Variants in DCHS2 observed in about 807,000 individuals in gnomAD.
DCHS2 encodes protocadherin-23.
In DCHS2, 142 loss-of-function variants were observed where a neutral mutation model predicts 182.4. That is an observed-to-expected ratio of 0.78 (90% CI 0.68 to 0.89). The LOEUF is 0.89. DCHS2 is among the 40% of genes least tolerant of loss of function. DCHS2 has a pLI of 0.00. For missense variants in DCHS2, 4,319 were observed against 4,198.6 expected (o/e 1.03, Z -0.79); for synonymous variants, 1,740 against 1,663.3 (o/e 1.05, Z -1.12).
rs745905752 is a variant in DCHS2 at position 154,236,100 on chromosome 4, GT to G, written c.8551del (p.Thr2851GlnfsTer14). ...DYENGNKYCL[T>X]VQAKDKGDAT... ...ATCACCTTTGTCTTTGGCTTGGACT[GT>G]GAGGCAGTATTTATTGCCATTTTCA... On this transcript the variant is annotated frameshift_variant, in exon 20 of 20. Coordinates refer to ENST00000357232, the MANE Select transcript of DCHS2 (RefSeq NM_001358235.2). LOFTEE classifies it low-confidence loss of function (END_TRUNC). 6.2e-7 allele frequency: 1 copy of G among 1,613,718 alleles called. No homozygotes were observed. The highest frequency in any genetic ancestry group is 1.3e-5 in the African/African-American group (1 of 75,028).
At chr4:154,450,688 C>T (rs1380118433) in intron 1 of DCHS2, among the ~76,000 whole-genome samples, 1 of 152,076 alleles carries the variant, frequency 6.6e-6, no homozygotes, top group Non-Finnish European at 1.5e-5. Flanking sequence ...CAAAAATTAG[C>T]CAGGCATAGT....
At chr4:154,422,610 C>T (rs988729536) in intron 1 of DCHS2, among the ~76,000 whole-genome samples, 1 of 152,098 alleles carries the variant, frequency 6.6e-6, no homozygotes, top group African/African-American at 2.4e-5. Flanking sequence ...ATATATATAC[C>T]CATTCATGAT....
chr4:154,320,961 T>C lies in DCHS2; in HGVS notation c.4438A>G (p.Ile1480Val). 3 of 1,614,122 alleles carry C rather than the reference T, an allele frequency of 1.9e-6. No individual in the cohort carries two copies. Among genetic ancestry groups the C allele is most frequent in the Non-Finnish European group, 2.5e-6 (3 of 1,180,000 alleles). The change falls in exon 9 of 20, where the codon ATT becomes GTT. Residue 1480 changes from isoleucine to valine, a missense_variant. Coordinates refer to ENST00000357232, the MANE Select transcript of DCHS2 (RefSeq NM_001358235.2). ...AGGTTTTTGCTATGGTCTGTAGTAA[T>C]CACTCTGAAAAGATAATGAGATGTC... is the stretch of plus-strand genomic sequence containing the variant. ...ETTSHYLFRV[I>V]TTDHSKNLSL...
At chr4:154,300,039 A>G (rs1047752758) in intron 12 of DCHS2, among the ~76,000 whole-genome samples, 2 of 152,210 alleles carry the variant, frequency 1.3e-5, no homozygotes, top group Non-Finnish European at 2.9e-5. Context: ...AAGTGGAGAA[A>G]GCCATACTAC....
intron 1 of DCHS2, among the ~76,000 whole-genome samples, chr4:154,382,022 C>G (rs1409574193): frequency 1.3e-5 from 2 of 151,890 alleles, no homozygotes; most frequent in Non-Finnish European, 2.9e-5. Flanking sequence ...TCACATTATC[C>G]AACTTCAAAT....
Position 154,333,175 on chromosome 4 carries a change from G to C in DCHS2, c.3033C>G (p.Asn1011Lys), listed in dbSNP as rs1321055872. Residue 1011 changes from asparagine (N) to lysine (K), a missense_variant, in exon 5 of 20, where the codon AAC becomes AAG. Asn to Lys is a moderately conservative substitution (Grantham distance 94, BLOSUM62 0). Coordinates refer to ENST00000357232, the MANE Select transcript of DCHS2 (RefSeq NM_001358235.2). ...ARAEDRDSGR[N>K]GLIRYSIASP... Reference sequence around the variant, plus strand: ...TGGCGATGGAGTACCGGATGAGTCCGTTCCGCCCACTGTCTCTGTCTTCCG... The same window carrying C: ...TGGCGATGGAGTACCGGATGAGTCCCTTCCGCCCACTGTCTCTGTCTTCCG... The C allele has an allele frequency of 1.2e-6, 2 of 1,614,204 alleles. No homozygotes were observed. Among genetic ancestry groups the C allele is most frequent in the East Asian group, 2.2e-5 (1 of 44,876 alleles).
At chr4:154,480,938 TATA>T (rs1366830689) in intron 1 of DCHS2, among the ~76,000 whole-genome samples, 13 of 152,212 alleles carry the variant, frequency 8.5e-5, no homozygotes, top group Non-Finnish European at 1.5e-5. Context: ...ATATTCTAAT[TATA>T]ATAATATGTT....
chr4:154,335,386 A>G (rs576830612), intron 3 of DCHS2, among the ~76,000 whole-genome samples: 1 of 152,336 alleles, frequency 6.6e-6, no homozygotes, highest in South Asian at 2.1e-4. Context: ...AGAACAAAAA[A>G]GCTGACTAAG....
chr4:154,268,145 A>G (rs28554124), intron 14 of DCHS2, among the ~76,000 whole-genome samples: 57,816 of 151,632 alleles, frequency 0.38, 11,280 homozygotes, highest in East Asian at 0.51. Context: ...CAAGTAGAAT[A>G]TTCATTCTTA....
At position 154,239,262 on chromosome 4, in the gene DCHS2, A is replaced by G. The variant is rs372781313; in HGVS notation, c.7400T>C (p.Leu2467Pro). ...TTCTAAGTCTGTGGCTGACAGAGTCAGCACTGAATACCCCACAGGTATTGA... is the reference window on the plus strand; with the variant it reads ...TTCTAAGTCTGTGGCTGACAGAGTCGGCACTGAATACCCCACAGGTATTGA... ...PESIPVGYSV[L>P]TLSATDLESN... is the part of the protein sequence containing the mutation. Residue 2467 changes from leucine to proline, a missense_variant, in exon 19 of 20, where the codon CTG (leucine) becomes CCG (proline). Leu to Pro is a moderately conservative substitution (Grantham distance 98, BLOSUM62 -3). Transcript: ENST00000357232. 1 of 1,613,554 alleles carries G rather than the reference A, an allele frequency of 6.2e-7. No homozygotes were observed. The highest frequency in any genetic ancestry group is 8.5e-7 in the Non-Finnish European group (1 of 1,179,714).
chr4:154,279,112 G>T (rs770572285), intron 13 of DCHS2, among the ~76,000 whole-genome samples: 16 of 152,090 alleles, frequency 1.1e-4, no homozygotes, highest in Non-Finnish European at 7.4e-5. Context: ...AGAATGTGTT[G>T]GGGATGTAAA....
chr4:154,481,224 G>C (rs1045151066), intron 1 of DCHS2, among the ~76,000 whole-genome samples: 1 of 152,084 alleles, frequency 6.6e-6, no homozygotes, highest in Non-Finnish European at 1.5e-5. Flanking sequence ...ACTAGCCATA[G>C]GAATTTTTAA....
chr4:154,379,085 AAAGAGAATT>A (rs1182399834), intron 1 of DCHS2, among the ~76,000 whole-genome samples: 1 of 152,232 alleles, frequency 6.6e-6, no homozygotes, highest in African/African-American at 2.4e-5. Context: ...ATTGGAAATA[AAAGAGAATT>A]AAGCAGATTA....
At chr4:154,331,394 AT>A (rs1291432932) in intron 5 of DCHS2, among the ~76,000 whole-genome samples, 1 of 152,194 alleles carries the variant, frequency 6.6e-6, no homozygotes, top group Non-Finnish European at 1.5e-5. Flanking sequence ...AACAAGTGAA[AT>A]AGAAGACCTT....
intron 1 of DCHS2, among the ~76,000 whole-genome samples, chr4:154,475,663 C>T (rs1735651959): frequency 6.6e-6 from 1 of 152,164 alleles, no homozygotes; most frequent in African/African-American, 2.4e-5. Flanking sequence ...GTAAATATTT[C>T]CCACATTGCT....
rs199574901 is a variant in DCHS2, at chr4:154,335,031, G to A, written c.2550C>T (p.Asp850=). Residue 850 remains aspartate, a synonymous_variant, in exon 4 of 20, where the codon GAC becomes GAT. Transcript: ENST00000357232. ...TTLSLMVSAQ[D]GGGLTAVINA... ...TAATGACAGCTGTGAGCCCACCACC[G>A]TCTTGAGCAGAGACCATCAACGAAA... 51 of 1,613,900 alleles carry A rather than the reference G, an allele frequency of 3.2e-5. No homozygotes were observed. The highest frequency in any genetic ancestry group is 2.0e-4 in the East Asian group (9 of 44,888).
chr4:154,464,346 C>A (rs893118985), intron 1 of DCHS2, among the ~76,000 whole-genome samples: 63 of 152,188 alleles, frequency 4.1e-4, no homozygotes, highest in African/African-American at 1.5e-3. Context: ...ACACAAGATT[C>A]CTGATTAAAG....
chr4:154,333,375 C>CG lies in DCHS2; in HGVS notation c.2832dup (p.Val945ArgfsTer30). On this transcript the variant is annotated frameshift_variant, in exon 5 of 20. Transcript: ENST00000357232. LOFTEE classifies it high-confidence loss of function. ...TGCGCCTGCACCGTGAGCACAACCA[C>CG]GGGCTGCGTCTCGTGATCCAGGGGC... The CG allele has an allele frequency of 6.2e-7, 1 of 1,614,178 alleles. No homozygotes were observed. Among genetic ancestry groups the CG allele is most frequent in the Non-Finnish European group, 8.5e-7 (1 of 1,180,046 alleles).
chr4:154,288,514 C>G (rs1347227204), intron 13 of DCHS2, among the ~76,000 whole-genome samples: 1 of 152,062 alleles, frequency 6.6e-6, no homozygotes, highest in Non-Finnish European at 1.5e-5. Context: ...ATCATCCAGA[C>G]AGACAATCAA....
Sources: gnomAD v4.1 joint callset for allele counts (sites outside exome capture counted in the v4.1 genomes callset) on GRCh38, gnomAD v4.1.1 for gene constraint, MANE v1.5 for transcripts, NCBI Gene and HGNC (gene_info 2026-07-23, HGNC 2026-07-21) for gene names.